The following SH3BGRL2 variants were observed in gnomAD, a reference collection of about 807,000 sequenced individuals.
The protein encoded by SH3BGRL2 is SH3 domain binding glutamate rich protein like 2, also known as SH3 domain-binding glutamic acid-rich-like protein 2.
Under a neutral mutation model 14.8 loss-of-function variants are expected in SH3BGRL2, and 21 were observed. That is an observed-to-expected ratio of 1.42 (90% CI 1.01 to 2.05). SH3BGRL2 has a LOEUF of 2.05. Ranked by LOEUF, SH3BGRL2 falls within the 30% of genes most tolerant of loss-of-function variation. The probability of loss-of-function intolerance (pLI) is 0.00; values close to 1 mark genes in which losing one functional copy is unlikely to be tolerated. For synonymous variants in SH3BGRL2, 50 were observed against 47.8 expected (o/e 1.05, Z -0.19); for missense variants, 147 against 130.8 (o/e 1.12, Z -0.61).
rs1054832887 is a variant in SH3BGRL2, at chr6:79,700,294, A to G, written c.*785A>G. ...TGCACTAATTAGTGAATATATAGGAAAATTATCTGACGAGTATCTGAAGGC... is the reference window on the plus strand; with the variant it reads ...TGCACTAATTAGTGAATATATAGGAGAATTATCTGACGAGTATCTGAAGGC... On this transcript the variant is annotated 3_prime_UTR_variant, in exon 4 of 4. Transcript: ENST00000369838. 2 of 152,190 alleles carry G rather than the reference A, an allele frequency of 1.3e-5. No individual in the cohort carries two copies. Among genetic ancestry groups the G allele is most frequent in the Non-Finnish European group, 2.9e-5 (2 of 68,042 alleles). The allele number at this position is 152,190 out of a possible 1,614,324, so 9.4% of individuals were successfully genotyped here.
chr6:79,638,073 G>A (rs1238904232), intron 1 of SH3BGRL2, among the ~76,000 whole-genome samples: 1 of 152,054 alleles, frequency 6.6e-6, no homozygotes, highest in East Asian at 1.9e-4. Context: ...GATCAAATCA[G>A]GGTAATTGGC....
intron 1 of SH3BGRL2, among the ~76,000 whole-genome samples, chr6:79,667,999 T>A (rs1769695135): frequency 6.8e-6 from 1 of 147,372 alleles, no homozygotes; most frequent in South Asian, 2.2e-4. Context: ...TTAAAAAAAC[T>A]CTTATTCAAA....
chr6:79,583,143 C>T, the SH3BGRL2 span, among the ~76,000 whole-genome samples: 15,936 of 152,018 alleles, frequency 0.1, 1,641 homozygotes, highest in East Asian at 0.56. Context: ...CAGATGCTGG[C>T]GAGGAAGTGG....
At chr6:79,607,816 G>T in the SH3BGRL2 span, among the ~76,000 whole-genome samples, 2 of 152,170 alleles carry the variant, frequency 1.3e-5, no homozygotes, top group Non-Finnish European at 2.9e-5. Context: ...GTGGTGGCAG[G>T]CATCTGTAAT....
chr6:79,634,733 G>A (rs1283602844), intron 1 of SH3BGRL2, among the ~76,000 whole-genome samples: 1 of 152,154 alleles, frequency 6.6e-6, no homozygotes, highest in Non-Finnish European at 1.5e-5. Flanking sequence ...AGGAAAGGTA[G>A]TAAAGTACAG....
At chr6:79,548,015 C>G in the SH3BGRL2 span, among the ~76,000 whole-genome samples, 1 of 152,060 alleles carries the variant, frequency 6.6e-6, no homozygotes, top group Non-Finnish European at 1.5e-5. Context: ...AGGTGTGCAC[C>G]ACCACACCTG....
the SH3BGRL2 span, among the ~76,000 whole-genome samples, chr6:79,617,204 AAAAAAG>A: frequency 1.3e-5 from 2 of 152,068 alleles, no homozygotes; most frequent in Admixed American, 6.5e-5. Flanking sequence ...AAAAAGAAAA[AAAAAAG>A]AAAAGAAAAA....
chr6:79,555,655 G>A, the SH3BGRL2 span, among the ~76,000 whole-genome samples: 6 of 151,956 alleles, frequency 3.9e-5, no homozygotes, highest in Non-Finnish European at 5.9e-5. Flanking sequence ...GATTACAGGC[G>A]TGCACCACCA....
chr6:79,552,707 A>T, the SH3BGRL2 span: 1 of 152,170 alleles, frequency 6.6e-6, no homozygotes, highest in Non-Finnish European at 1.5e-5. Flanking sequence ...CCCAATCCAG[A>T]CCTACAGAAT....
the SH3BGRL2 span, among the ~76,000 whole-genome samples, chr6:79,564,337 G>C: frequency 6.6e-6 from 1 of 152,156 alleles, no homozygotes; most frequent in Admixed American, 6.5e-5. Context: ...CCTGGCAGAG[G>C]AAATGTTAAG....
chr6:79,660,659 G>A (rs1210025635), intron 1 of SH3BGRL2, among the ~76,000 whole-genome samples: 1 of 152,156 alleles, frequency 6.6e-6, no homozygotes, highest in Non-Finnish European at 1.5e-5. Context: ...CTCATAAAAT[G>A]AGTTAGGGAG....
intron 1 of SH3BGRL2, among the ~76,000 whole-genome samples, chr6:79,639,421 T>G (rs1304435815): frequency 1.3e-5 from 2 of 152,058 alleles, no homozygotes; most frequent in Non-Finnish European, 2.9e-5. Flanking sequence ...AAACCCCATC[T>G]CTACAAAAAA....
chr6:79,694,168 T>C (rs967365669), intron 2 of SH3BGRL2, among the ~76,000 whole-genome samples: 6 of 152,194 alleles, frequency 3.9e-5, no homozygotes, highest in Non-Finnish European at 8.8e-5. Flanking sequence ...TGGCTGTGAA[T>C]GAGCTTCCCC....
At chr6:79,659,921 C>T (rs148036803) in intron 1 of SH3BGRL2, among the ~76,000 whole-genome samples, 11,926 of 107,776 alleles carry the variant, frequency 0.11, 606 homozygotes, top group Non-Finnish European at 0.16. Context: ...GGAGTTCACT[C>T]GTGATTTGGC....
chr6:79,684,728 A>G (rs929673575), intron 2 of SH3BGRL2, among the ~76,000 whole-genome samples: 10 of 152,224 alleles, frequency 6.6e-5, no homozygotes, highest in East Asian at 1.9e-4. Context: ...AAGTTTTACA[A>G]TGAAATCTGT....
chr6:79,646,129 T>C (rs1769139396), intron 1 of SH3BGRL2, among the ~76,000 whole-genome samples: 1 of 152,226 alleles, frequency 6.6e-6, no homozygotes, highest in African/African-American at 2.4e-5. Context: ...TTCCTCCTGG[T>C]TGCAACTACC....
chr6:79,683,478 A>ATTT (rs1770031476), intron 2 of SH3BGRL2, among the ~76,000 whole-genome samples: 1 of 141,230 alleles, frequency 7.1e-6, no homozygotes, highest in Non-Finnish European at 1.5e-5. Flanking sequence ...TTTTTTTTTG[A>ATTT]GATGGAGTCT....
the SH3BGRL2 span, among the ~76,000 whole-genome samples, chr6:79,590,789 A>G: frequency 6.1e-4 from 93 of 152,212 alleles, no homozygotes; most frequent in African/African-American, 2.1e-3. Flanking sequence ...CAGTATACCC[A>G]TGTAACAAAC....
At chr6:79,665,534 A>G (rs566782419) in intron 1 of SH3BGRL2, among the ~76,000 whole-genome samples, 1 of 152,344 alleles carries the variant, frequency 6.6e-6, no homozygotes, top group African/African-American at 2.4e-5. Flanking sequence ...AAGATGATTT[A>G]CCATATTATA....
Sources: gnomAD v4.1 joint callset for allele counts (sites outside exome capture counted in the v4.1 genomes callset) on GRCh38, gnomAD v4.1.1 for gene constraint, MANE v1.5 for transcripts, NCBI Gene and HGNC (gene_info 2026-07-23, HGNC 2026-07-21) for gene names.